The following IGF1R variants were observed in gnomAD, a reference collection of about 807,000 sequenced individuals.
The protein encoded by IGF1R is insulin-like growth factor 1 receptor.
IGF1R carries 44 observed loss-of-function variants against 144.6 expected under a neutral mutation model. The ratio of observed to expected loss-of-function variants is 0.30; its 90% CI spans 0.24 to 0.39. IGF1R has a LOEUF of 0.39. Among genes scored for constraint, IGF1R ranks in the 10% least tolerant of loss-of-function variants. IGF1R has a pLI of 1.00. For synonymous variants in IGF1R, 795 were observed against 722.8 expected, an observed-to-expected ratio of 1.10 and a Z score of -1.60; for missense variants, 1,355 against 1,833.7, an observed-to-expected ratio of 0.74 and a Z score of 4.77.
At chr15:98,766,193 C>T (rs987583246) in intron 2 of IGF1R, among the ~76,000 whole-genome samples, 9 of 152,274 alleles carry the variant, frequency 5.9e-5, no homozygotes, top group East Asian at 1.9e-4. Flanking sequence ...TTCATTGAAT[C>T]AGAATTCCCC....
At chr15:98,822,527 G>A (rs2141481264) in intron 2 of IGF1R, among the ~76,000 whole-genome samples, 1 of 152,336 alleles carries the variant, frequency 6.6e-6, no homozygotes, top group South Asian at 2.1e-4. Flanking sequence ...CCATTGTATT[G>A]AGAGCTGGTA....
chr15:98,847,355 C>G (rs1046029381), intron 2 of IGF1R, among the ~76,000 whole-genome samples: 5 of 152,166 alleles, frequency 3.3e-5, no homozygotes, highest in African/African-American at 1.2e-4. Flanking sequence ...AGTCCATACC[C>G]TCACCACCTT....
intron 2 of IGF1R, among the ~76,000 whole-genome samples, chr15:98,725,968 A>C (rs1244989598): frequency 6.6e-6 from 1 of 152,188 alleles, no homozygotes. Context: ...TCCTTCCCAT[A>C]ACACATGAAA....
intron 2 of IGF1R, among the ~76,000 whole-genome samples, chr15:98,711,220 A>G (rs1352712368): frequency 6.6e-6 from 1 of 152,212 alleles, no homozygotes; most frequent in Non-Finnish European, 1.5e-5. Context: ...TGAGTTCAAC[A>G]TAAGCATTAA....
chr15:98,812,502 G>A (rs575739106), intron 2 of IGF1R, among the ~76,000 whole-genome samples: 2 of 151,974 alleles, frequency 1.3e-5, no homozygotes, highest in African/African-American at 2.4e-5. Context: ...GATTACAGAC[G>A]CCTGCCACCA....
intron 2 of IGF1R, among the ~76,000 whole-genome samples, chr15:98,743,453 C>T (rs1400615702): frequency 6.6e-6 from 1 of 152,054 alleles, no homozygotes; most frequent in Non-Finnish European, 1.5e-5. Flanking sequence ...TACAACTGTT[C>T]GACTAACTGT....
chr15:98,908,992 C>T, intron 6 of IGF1R, 93 bp downstream of exon 6: 3 of 1,174,148 alleles, frequency 2.6e-6, no homozygotes, highest in South Asian at 1.3e-5. Context: ...CTCTGCGGCC[C>T]CTCCTGGTTT....
intron 2 of IGF1R, among the ~76,000 whole-genome samples, chr15:98,869,152 CTATT>C (rs1273318734): frequency 6.6e-6 from 1 of 152,088 alleles, no homozygotes. Flanking sequence ...TTGTCATCGT[CTATT>C]TATTTAATAA....
chr15:98,702,803 T>C (rs1329068361), intron 1 of IGF1R, among the ~76,000 whole-genome samples: 2 of 152,122 alleles, frequency 1.3e-5, no homozygotes, highest in African/African-American at 2.4e-5. Flanking sequence ...CTAGGTGTTA[T>C]GGTGTACCCC....
At chr15:98,724,622 T>A (rs1438210302) in intron 2 of IGF1R, among the ~76,000 whole-genome samples, 2 of 152,210 alleles carry the variant, frequency 1.3e-5, no homozygotes, top group Non-Finnish European at 2.9e-5. Context: ...GCAGTGGGTC[T>A]CCAGCTCAGA....
In IGF1R at chr15:98,959,702, A is replaced by C; in HGVS notation, c.*2260A>C. On this transcript the variant is annotated 3_prime_UTR_variant, in exon 21 of 21. Coordinates refer to ENST00000650285, the MANE Select transcript of IGF1R (RefSeq NM_000875.5). ...AGCACAAGAGTTGCTTCTGGGATAGAAATGTTTAGGAGTAAGAACAAAGCT... is the reference window on the plus strand; with the variant it reads ...AGCACAAGAGTTGCTTCTGGGATAGCAATGTTTAGGAGTAAGAACAAAGCT... The C allele has an allele frequency of 4.3e-6, 1 of 233,652 alleles. No individual in the cohort carries two copies. Among genetic ancestry groups the C allele is most frequent in the Non-Finnish European group, 8.5e-6 (1 of 118,030 alleles). The allele number at this position is 233,652 out of a possible 1,614,324, so 14.5% of individuals were successfully genotyped here.
intron 2 of IGF1R, among the ~76,000 whole-genome samples, chr15:98,858,283 C>T (rs1302517627): frequency 2.0e-5 from 3 of 151,530 alleles, no homozygotes; most frequent in African/African-American, 4.9e-5. Context: ...TTTGTAGTTT[C>T]CCCCCGCTTC....
intron 2 of IGF1R, among the ~76,000 whole-genome samples, chr15:98,881,051 GA>G (rs549902808): frequency 7.4e-5 from 11 of 148,888 alleles, no homozygotes; most frequent in Non-Finnish European, 1.0e-4. Flanking sequence ...CTTCTGCAGA[GA>G]AAAAAAAAAG....
rs576365008 is a variant in IGF1R, at chr15:98,834,132, A to G, written c.641-57193A>G. ...ATCCATTCTATTGCTGGAGCATGTA[A>G]CAGCTGATGTTGAAGTTACAAGTTT... On this transcript the variant is annotated intron_variant, in intron 2 of 20. Transcript: ENST00000650285. Among the ~76,000 whole-genome samples, 3 of 152,340 alleles carry G rather than the reference A, an allele frequency of 2.0e-5. No individual in the cohort carries two copies. The East Asian group carries it at 5.8e-4, about 29-fold the overall frequency.
At chr15:98,784,647 G>A (rs2055945404) in intron 2 of IGF1R, 1 of 153,844 alleles carries the variant, frequency 6.5e-6, no homozygotes, top group Admixed American at 6.6e-5. Context: ...TCAGCCCTTT[G>A]TCTCCTTCAG....
chr15:98,827,623 A>G (rs2056917762), intron 2 of IGF1R, among the ~76,000 whole-genome samples: 1 of 152,198 alleles, frequency 6.6e-6, no homozygotes. Flanking sequence ...ACTGCTAGTT[A>G]ACAATCGGAA....
intron 2 of IGF1R, among the ~76,000 whole-genome samples, chr15:98,801,479 G>T (rs2056362893): frequency 6.6e-6 from 1 of 152,218 alleles, no homozygotes. Flanking sequence ...GCCTGTGTGA[G>T]CCTCGACAGT....
chr15:98,928,138 C>G (rs986808629), intron 13 of IGF1R, among the ~76,000 whole-genome samples: 1 of 152,178 alleles, frequency 6.6e-6, no homozygotes, highest in Non-Finnish European at 1.5e-5. Flanking sequence ...GAATCCAGCC[C>G]TCTGTCACCA....
chr15:98,928,218 G>A (rs1410311494), intron 13 of IGF1R, among the ~76,000 whole-genome samples: 1 of 152,140 alleles, frequency 6.6e-6, no homozygotes, highest in Non-Finnish European at 1.5e-5. Flanking sequence ...CATACTGTAT[G>A]AGCCTCATCC....
Sources: gnomAD v4.1 joint callset for allele counts (sites outside exome capture counted in the v4.1 genomes callset) on GRCh38, gnomAD v4.1.1 for gene constraint, MANE v1.5 for transcripts, NCBI Gene and HGNC (gene_info 2026-07-23, HGNC 2026-07-21) for gene names.